POLR1A: variants seen among roughly 807,000 people sequenced by gnomAD.
POLR1A encodes the protein RNA polymerase I subunit A.
POLR1A carries 84 observed loss-of-function variants against 205.3 expected under a neutral mutation model. That is an observed-to-expected ratio of 0.41 (90% CI 0.34 to 0.49). The LOEUF is 0.49. Among genes scored for constraint, POLR1A ranks in the 20% least tolerant of loss-of-function variants. The pLI is 0.22. For missense variants in POLR1A, 1,645 were observed against 2,204.5 expected, an observed-to-expected ratio of 0.75 and a Z score of 5.08; for synonymous variants, 799 against 863.7, an observed-to-expected ratio of 0.93 and a Z score of 1.31.
At chr2:86,049,107 A>G (rs551957206) in intron 17 of POLR1A, 53 bp downstream of exon 17, 1 of 1,611,656 alleles carries the variant, frequency 6.2e-7, no homozygotes, top group South Asian at 1.1e-5. Flanking sequence ...GTTTTGACTC[A>G]GCACACACTT....
chr2:86,065,407 G>C lies in POLR1A; in HGVS notation c.1925C>G (p.Thr642Ser). Residue 642 changes from threonine to serine, a missense_variant, in exon 14 of 34, where the codon ACT becomes AGT. Transcript: ENST00000263857. ...CCGGGTGAAAAAGCAACCCCGAGTA[G>C]TCATGCTTGCCCCTGAAACCATGTG... ...QDHMVSGASM[T>S]TRGCFFTREH... 6.2e-7 allele frequency: 1 copy of C among 1,614,170 alleles called. No homozygotes were observed. The highest frequency in any genetic ancestry group is 8.5e-7 in the Non-Finnish European group (1 of 1,180,008).
chr2:86,070,293 T>C lies in POLR1A; in HGVS notation c.1612-21A>G. 6.3e-7 allele frequency: 1 copy of C among 1,590,786 alleles called. No individual in the cohort carries two copies. Among genetic ancestry groups the C allele is most frequent in the Non-Finnish European group, 8.6e-7 (1 of 1,166,332 alleles). ...CACACCTGGGAACAGAGTGGACAGG[T>C]GGGTGATCAGTGCAAACGTCAGTAT... is the stretch of plus-strand genomic sequence containing the variant. On this transcript the variant is annotated intron_variant, in intron 12 of 33. Coordinates refer to ENST00000263857, the MANE Select transcript of POLR1A (RefSeq NM_015425.6). This position sits in a 1 kb window ranked among gnomAD's most constrained non-coding sequence, Gnocchi z 4.4.
chr2:86,088,743 GC>G, intron 5 of POLR1A, 41 bp downstream of exon 5: 1 of 1,589,090 alleles, frequency 6.3e-7, no homozygotes, highest in Non-Finnish European at 8.6e-7. Context: ...ATGAGTGACT[GC>G]CCAGAGACGT....
At chr2:86,101,191 CCTTT>C (rs1299616100) in intron 1 of POLR1A, among the ~76,000 whole-genome samples, 1 of 152,196 alleles carries the variant, frequency 6.6e-6, no homozygotes, top group Non-Finnish European at 1.5e-5. Flanking sequence ...ACAATTTTCT[CCTTT>C]CTGATTTAGA....
intron 4 of POLR1A, 87 bp downstream of exon 4, chr2:86,089,735 G>T: frequency 2.4e-6 from 2 of 836,344 alleles, no homozygotes; most frequent in Non-Finnish European, 4.1e-6. Context: ...ACTTTGGGAA[G>T]CCAGAAGTAT....
In POLR1A at chr2:86,101,537, G is replaced by T. The variant is rs573096466; in HGVS notation, c.78-1365C>A. Among the ~76,000 whole-genome samples, 35 of 152,310 alleles carry T rather than the reference G, an allele frequency of 2.3e-4. No homozygotes were observed. In the South Asian group the frequency reaches 7.3e-3, roughly 32 times the overall value. ...AGAAACTTGATCTAACTCAAAAGTT[G>T]TGCGTGTGGTCTCTTCCCACAAATC... On this transcript the variant is annotated intron_variant, in intron 1 of 33. Transcript: ENST00000263857.
chr2:86,103,533 A>G (rs1232790976), intron 1 of POLR1A, among the ~76,000 whole-genome samples: 1 of 152,178 alleles, frequency 6.6e-6, no homozygotes, highest in East Asian at 1.9e-4. Flanking sequence ...AAACTCCACA[A>G]TTATCTTTTT....
At chr2:86,088,471 G>C (rs1673543071) in intron 6 of POLR1A, 95 bp downstream of exon 6, 2 of 798,176 alleles carry the variant, frequency 2.5e-6, no homozygotes, top group South Asian at 1.6e-5. Context: ...AAATGCAGCA[G>C]AGAAACACGT....
At chr2:86,074,427 A>G (rs1411844376) in intron 12 of POLR1A, among the ~76,000 whole-genome samples, 3 of 151,334 alleles carry the variant, frequency 2.0e-5, no homozygotes, top group Admixed American at 1.3e-4. Context: ...GTCATCTGCT[A>G]CTCCCCTCCC....
chr2:86,032,881 C>T (rs1461394151), intron 28 of POLR1A, among the ~76,000 whole-genome samples: 2 of 152,208 alleles, frequency 1.3e-5, no homozygotes, highest in African/African-American at 2.4e-5. Flanking sequence ...AGTCCACACC[C>T]GCTTGTGCTT....
intron 4 of POLR1A, among the ~76,000 whole-genome samples, chr2:86,089,075 T>G (rs748866593): frequency 6.6e-6 from 1 of 152,210 alleles, no homozygotes; most frequent in Non-Finnish European, 1.5e-5. Context: ...AGTTTCTCAA[T>G]TATAATATGG....
intron 11 of POLR1A, among the ~76,000 whole-genome samples, chr2:86,077,373 G>A (rs180911118): frequency 4.6e-5 from 7 of 152,288 alleles, no homozygotes; most frequent in Non-Finnish European, 8.8e-5. Flanking sequence ...ACATGCACAC[G>A]CCTCTCTCCG....
intron 7 of POLR1A, among the ~76,000 whole-genome samples, chr2:86,082,484 G>C (rs961459803): frequency 6.0e-5 from 9 of 150,686 alleles, no homozygotes; most frequent in Admixed American, 4.6e-4. Flanking sequence ...AATGCCTAGA[G>C]AAAAAGATTA....
chr2:86,027,446 C>T lies in POLR1A; in HGVS notation c.5140G>A (p.Glu1714Lys), dbSNP rs765679827. The T allele has an allele frequency of 3.7e-6, 6 of 1,614,002 alleles. No individual in the cohort carries two copies. Among genetic ancestry groups the T allele is most frequent in the South Asian group, 1.1e-5 (1 of 91,086 alleles). Residue 1714 changes from glutamate to lysine, a missense_variant, in exon 34 of 34, where the codon GAG (glutamate) becomes AAG (lysine). This residue lies in a region of POLR1A where 86 missense variants were observed against 149.8 expected (regional missense o/e 0.57). Coordinates refer to ENST00000263857, the MANE Select transcript of POLR1A (RefSeq NM_015425.6). ...KVVRGGTGLFELKQPLR is the reference protein window; with the variant it reads ...KVVRGGTGLFKLKQPLR ...TGCTATCTCAGAGGCTGCTTGAGCTCGAACAGGCCTGTCCCGCCCCTGACG... is the reference window on the plus strand; with the variant it reads ...TGCTATCTCAGAGGCTGCTTGAGCTTGAACAGGCCTGTCCCGCCCCTGACG...
In POLR1A at chr2:86,032,791, C is replaced by T. The variant is rs1267444287; in HGVS notation, c.4162-409G>A. 3.3e-5 allele frequency among the ~76,000 whole-genome samples: 5 copies of T among 152,300 alleles called. No individual in the cohort carries two copies. The East Asian group carries it at 9.6e-4, about 29-fold the overall frequency. Reference sequence around the variant, plus strand: ...GAATACTGAGTATCTCTTCCTTTCTCCTCCTGAACTTGGCTCCTAGTTTTT... The same window carrying T: ...GAATACTGAGTATCTCTTCCTTTCTTCTCCTGAACTTGGCTCCTAGTTTTT... On this transcript the variant is annotated intron_variant, in intron 28 of 33. Coordinates refer to ENST00000263857, the MANE Select transcript of POLR1A (RefSeq NM_015425.6).
chr2:86,058,346 G>A lies in POLR1A; in HGVS notation c.2059-4057C>T, dbSNP rs927677741. Among the ~76,000 whole-genome samples, 12 of 149,512 alleles carry A rather than the reference G, an allele frequency of 8.0e-5. No individual in the cohort carries two copies. In the South Asian group the frequency reaches 2.1e-3, roughly 26 times the overall value. ...AAACTCCTGATGTCGTGATCCGGCC[G>A]CCTTGGCCTCCCAAAGTGCTGGGAT... On this transcript the variant is annotated intron_variant, in intron 14 of 33. Transcript: ENST00000263857.
At chr2:86,035,057 A>G (rs1573802838) in intron 27 of POLR1A, among the ~76,000 whole-genome samples, 1 of 152,096 alleles carries the variant, frequency 6.6e-6, no homozygotes, top group Non-Finnish European at 1.5e-5. Flanking sequence ...TTTTAGTAGA[A>G]ACGGGGTTTC....
chr2:86,090,310 G>T (rs116035471), intron 3 of POLR1A, among the ~76,000 whole-genome samples: 2 of 149,350 alleles, frequency 1.3e-5, no homozygotes, highest in African/African-American at 2.5e-5. Flanking sequence ...TGAGGAGATC[G>T]CTGGGAGGGG....
chr2:86,046,401 T>A (rs1009589611), intron 19 of POLR1A, among the ~76,000 whole-genome samples: 4 of 152,180 alleles, frequency 2.6e-5, no homozygotes, highest in Non-Finnish European at 5.9e-5. Flanking sequence ...ATATCTAGGT[T>A]TCGATGTAGT....
Sources: allele counts gnomAD v4.1 joint callset (sites outside exome capture counted in the v4.1 genomes callset), GRCh38; gene constraint gnomAD v4.1.1; regional missense constraint gnomAD v4.1.1; non-coding constraint Gnocchi (gnomAD v3.1); transcripts MANE v1.5; gene names NCBI Gene and HGNC (gene_info 2026-07-23, HGNC 2026-07-21).